ADGRL3: variants seen among roughly 807,000 people sequenced by gnomAD.
ADGRL3 encodes the protein calcium-independent alpha-latrotoxin receptor 3.
In ADGRL3, 62 loss-of-function variants were observed where a neutral mutation model predicts 153.5. That is an observed-to-expected ratio of 0.40 (90% CI 0.33 to 0.50). The LOEUF is 0.50. ADGRL3 is among the 20% of genes least tolerant of loss of function. ADGRL3 has a pLI of 0.47. For missense variants in ADGRL3, 1,641 were observed against 1,859.4 expected (o/e 0.88, Z 2.16); for synonymous variants, 710 against 672.5 (o/e 1.06, Z -0.86).
At chr4:61,735,188 C>T (rs11732081) in intron 8 of ADGRL3, among the ~76,000 whole-genome samples, 70,671 of 151,934 alleles carry the variant, frequency 0.47, 16,850 homozygotes, top group Admixed American at 0.55. Flanking sequence ...TATAATAAGG[C>T]TCAATCACTC....
intron 8 of ADGRL3, among the ~76,000 whole-genome samples, chr4:61,798,309 T>C (rs1357834310): frequency 6.6e-6 from 1 of 152,196 alleles, no homozygotes; most frequent in Non-Finnish European, 1.5e-5. Context: ...CTATTGCTTA[T>C]GATAAAATTG....
intron 16 of ADGRL3, among the ~76,000 whole-genome samples, chr4:61,947,871 T>C (rs1194949287): frequency 6.6e-6 from 1 of 152,210 alleles, no homozygotes; most frequent in African/African-American, 2.4e-5. Flanking sequence ...TATATTATTT[T>C]AGTGTTAATT....
chr4:62,004,122 A>G (rs2099149770), intron 21 of ADGRL3, among the ~76,000 whole-genome samples: 1 of 152,154 alleles, frequency 6.6e-6, no homozygotes, highest in Non-Finnish European at 1.5e-5. Flanking sequence ...GTTGAGGTCT[A>G]TAAAAGTAAA....
At chr4:62,011,588 A>C (rs1388787227) in intron 21 of ADGRL3, among the ~76,000 whole-genome samples, 4 of 152,136 alleles carry the variant, frequency 2.6e-5, no homozygotes, top group African/African-American at 9.7e-5. Context: ...AACGTCAAAG[A>C]GACCTTCCTA....
intron 6 of ADGRL3, among the ~76,000 whole-genome samples, chr4:61,724,205 G>A (rs1038141908): frequency 6.6e-6 from 1 of 152,130 alleles, no homozygotes; most frequent in Non-Finnish European, 1.5e-5. Context: ...ACAAGGGTAC[G>A]TCATTGAAGA....
chr4:61,759,229 G>A (rs1477648136), intron 8 of ADGRL3, among the ~76,000 whole-genome samples: 3 of 152,256 alleles, frequency 2.0e-5, no homozygotes, highest in South Asian at 2.1e-4. Context: ...GCCGTGCTAG[G>A]TTGGGGAAGT....
intron 24 of ADGRL3, among the ~76,000 whole-genome samples, chr4:62,039,587 C>A (rs546122004): frequency 1.4e-4 from 21 of 152,198 alleles, no homozygotes; most frequent in African/African-American, 4.8e-4. Context: ...ATCAGAAGAA[C>A]AATTGTCCCA....
At chr4:61,443,153 G>A (rs112346895) in intron 2 of ADGRL3, among the ~76,000 whole-genome samples, 17 of 152,122 alleles carry the variant, frequency 1.1e-4, no homozygotes, top group African/African-American at 3.1e-4. Flanking sequence ...CTCAACTAAC[G>A]GCCATTTAGT....
chr4:61,827,236 A>G (rs2097817439), intron 9 of ADGRL3, among the ~76,000 whole-genome samples: 1 of 152,218 alleles, frequency 6.6e-6, no homozygotes, highest in Non-Finnish European at 1.5e-5. Context: ...CTGTGCCCAC[A>G]CAATCAGATT....
intron 8 of ADGRL3, among the ~76,000 whole-genome samples, chr4:61,773,840 C>T (rs1257604549): frequency 6.6e-6 from 1 of 151,612 alleles, no homozygotes; most frequent in African/African-American, 2.4e-5. Flanking sequence ...AGCATCTAAA[C>T]AAAAAAACAA....
chr4:61,471,784 T>C (rs562448495), intron 2 of ADGRL3, among the ~76,000 whole-genome samples: 1 of 152,108 alleles, frequency 6.6e-6, no homozygotes, highest in Non-Finnish European at 1.5e-5. Flanking sequence ...ACAGAAATGG[T>C]CGATTAAGGT....
At chr4:61,248,001 G>A (rs1412592864) in intron 1 of ADGRL3, among the ~76,000 whole-genome samples, 2 of 151,996 alleles carry the variant, frequency 1.3e-5, no homozygotes, top group Non-Finnish European at 1.5e-5. Context: ...AAATTAATTT[G>A]TATATGTTTT....
At chr4:61,859,887 G>T (rs920602045) in intron 9 of ADGRL3, among the ~76,000 whole-genome samples, 14 of 152,124 alleles carry the variant, frequency 9.2e-5, no homozygotes, top group Admixed American at 9.2e-4. Flanking sequence ...TTATGTTAAA[G>T]AAATAAATGA....
intron 17 of ADGRL3, among the ~76,000 whole-genome samples, chr4:61,968,667 T>G (rs2099015512): frequency 6.6e-6 from 1 of 152,098 alleles, no homozygotes; most frequent in Non-Finnish European, 1.5e-5. Context: ...AACTGAAAAG[T>G]GACCAAAAAA....
chr4:61,983,500 C>A lies in ADGRL3; in HGVS notation c.3133C>A (p.His1045Asn). 6.2e-7 allele frequency: 1 copy of A among 1,613,964 alleles called. No individual in the cohort carries two copies. The highest frequency in any genetic ancestry group is 8.5e-7 in the Non-Finnish European group (1 of 1,179,866). The change falls in exon 19 of 27, where the codon CAT (histidine) becomes AAT (asparagine). Residue 1045 changes from histidine to asparagine, a missense_variant. Coordinates refer to ENST00000683033, the MANE Select transcript of ADGRL3 (RefSeq NM_001387552.1). ...GCTGGTGGAGGTTTTTGAGAGTGAACATTCACGTAGGAAATACTTTTATCT... is the reference window on the plus strand; with the variant it reads ...GCTGGTGGAGGTTTTTGAGAGTGAAAATTCACGTAGGAAATACTTTTATCT... ...IMLVEVFESE[H>N]SRRKYFYLVG...
At chr4:61,663,487 C>T (rs1175146474) in intron 5 of ADGRL3, among the ~76,000 whole-genome samples, 1 of 152,212 alleles carries the variant, frequency 6.6e-6, no homozygotes, top group South Asian at 2.1e-4. Context: ...TGGTGTGCAG[C>T]GGATGGACCC....
intron 6 of ADGRL3, among the ~76,000 whole-genome samples, chr4:61,689,395 G>A (rs1034138302): frequency 2.6e-5 from 4 of 152,070 alleles, no homozygotes; most frequent in African/African-American, 9.6e-5. Flanking sequence ...TAGTAACAAT[G>A]GATTTTAATT....
chr4:61,381,293 T>TTGTGTGTGTGTGTGTGTGTG (rs55767359), intron 1 of ADGRL3, among the ~76,000 whole-genome samples: 4 of 141,372 alleles, frequency 2.8e-5, no homozygotes, highest in African/African-American at 8.0e-5. Context: ...ATAAACAAGT[T>TTGTGTGTGTGTGTGTGTGTG]TGTGTGTGTG....
intron 7 of ADGRL3, among the ~76,000 whole-genome samples, chr4:61,732,471 G>A (rs10032113): frequency 0.71 from 107,585 of 151,968 alleles, 39,117 homozygotes; most frequent in East Asian, 0.93. Context: ...TCTGATATAT[G>A]TTTCCAAAAA....
Sources: gnomAD v4.1 joint callset for allele counts (sites outside exome capture counted in the v4.1 genomes callset) on GRCh38, gnomAD v4.1.1 for gene constraint, MANE v1.5 for transcripts, NCBI Gene and HGNC (gene_info 2026-07-23, HGNC 2026-07-21) for gene names.